Variants in ASB5 observed in about 807,000 individuals in gnomAD.
The protein encoded by ASB5 is ankyrin repeat and SOCS box containing 5, also known as ankyrin repeat and SOCS box protein 5.
A neutral mutation model predicts 42.1 loss-of-function variants in ASB5; 45 were observed. The ratio of observed to expected loss-of-function variants is 1.07; its 90% CI spans 0.84 to 1.37. The LOEUF (loss-of-function observed/expected upper bound fraction) is 1.37, where lower values mean the gene tolerates loss of function less well. Ranked by LOEUF, ASB5 falls within the 40% of genes most tolerant of loss-of-function variation. ASB5 has a pLI of 0.00. For missense variants in ASB5, 402 were observed against 399.8 expected (o/e 1.01, Z -0.05); for synonymous variants, 147 against 150.6 (o/e 0.98, Z 0.18).
intron 5 of ASB5, 102 bp downstream of exon 5, chr4:176,221,053 A>AT (rs1292675876): frequency 1.5e-6 from 2 of 1,342,970 alleles, no homozygotes; most frequent in Non-Finnish European, 2.0e-6. Flanking sequence ...AAATAAGAAC[A>AT]TTTTTTAGCA....
At chr4:176,219,164 T>C (rs1419463463) in intron 5 of ASB5, among the ~76,000 whole-genome samples, 1 of 121,932 alleles carries the variant, frequency 8.2e-6, no homozygotes, top group Non-Finnish European at 1.6e-5. Context: ...TTGTATGACA[T>C]ATAAATATAT....
chr4:176,262,547 A>G lies in ASB5; in HGVS notation c.196+6366T>C, dbSNP rs913578164. 2.0e-5 allele frequency among the ~76,000 whole-genome samples: 3 copies of G among 152,358 alleles called. No individual in the cohort carries two copies. In the South Asian group the frequency reaches 6.2e-4, roughly 32 times the overall value. ...GCATATCCTAGGCAGAACCATTCTT[A>G]GCTCTACATACATTTCTCTGTATAG... On this transcript the variant is annotated intron_variant, in intron 1 of 6. Transcript: ENST00000296525.
intron 2 of ASB5, 42 bp from the exon 3 acceptor site, chr4:176,222,462 T>C: frequency 6.6e-7 from 1 of 1,504,792 alleles, no homozygotes; most frequent in Non-Finnish European, 9.2e-7. Flanking sequence ...AAGAGTTATA[T>C]ACTTAAAAAA....
chr4:176,219,584 ATATATATATATATATATATAT>A (rs1753135048), intron 5 of ASB5, among the ~76,000 whole-genome samples: 1 of 49,036 alleles, frequency 2.0e-5, no homozygotes, highest in Non-Finnish European at 4.6e-5. Context: ...TGATATATAT[ATATATATATATATATATATAT>A]ATATATATAT....
chr4:176,218,978 A>AAT lies in ASB5; in HGVS notation c.671-1971_671-1970dup, dbSNP rs1222273330. The stretch of plus-strand genomic sequence containing the variant: ...TAAATATATATTTGTATGATATATA[A>AAT]ATATATATATTTGTATGATATATAA... On this transcript the variant is annotated intron_variant, in intron 5 of 6. Transcript: ENST00000296525. Among the ~76,000 whole-genome samples, 3 of 14,822 alleles carry AAT rather than the reference A, an allele frequency of 2.0e-4. 1 individual carries two copies. Among genetic ancestry groups the AAT allele is most frequent in the Non-Finnish European group, 3.5e-4 (3 of 8,468 alleles). 9.7% of individuals were successfully genotyped at this position (14,822 alleles called of 152,430 possible). A position where few individuals can be genotyped will look rare whatever the true frequency, so the allele number is the denominator to read the frequency against.
At chr4:176,264,134 A>T (rs192325488) in intron 1 of ASB5, among the ~76,000 whole-genome samples, 116 of 152,280 alleles carry the variant, frequency 7.6e-4, no homozygotes, top group Non-Finnish European at 1.6e-3. Context: ...TTCTACATAC[A>T]TTGTGTATTC....
At chr4:176,215,900 A>T (rs1421384826) in intron 6 of ASB5, among the ~76,000 whole-genome samples, 173 bp from the exon 7 acceptor site, 1 of 152,114 alleles carries the variant, frequency 6.6e-6, no homozygotes, top group Admixed American at 6.6e-5. Flanking sequence ...TATTTATAAG[A>T]TCTTATTATA....
At chr4:176,272,155 T>C (rs1579339559), upstream of ASB5, among the ~76,000 whole-genome samples, 1 of 152,324 alleles carries the variant, frequency 6.6e-6, no homozygotes, top group East Asian at 1.9e-4. Context: ...AAGCTAAGTG[T>C]TGGTGAGTGG....
chr4:176,223,168 T>C (rs1373579714), intron 2 of ASB5, among the ~76,000 whole-genome samples: 1 of 152,208 alleles, frequency 6.6e-6, no homozygotes, highest in East Asian at 1.9e-4. Flanking sequence ...TGTGAACTTT[T>C]GTCCCTAAAT....
At chr4:176,229,020 C>A (rs1051593348) in intron 1 of ASB5, among the ~76,000 whole-genome samples, 4 of 152,026 alleles carry the variant, frequency 2.6e-5, no homozygotes, top group Admixed American at 2.6e-4. Context: ...ATATGTGAAG[C>A]CACTTTGTTC....
chr4:176,221,663 G>C, intron 3 of ASB5, 63 bp from the exon 4 acceptor site: 2 of 1,420,414 alleles, frequency 1.4e-6, no homozygotes, highest in Non-Finnish European at 1.9e-6. Context: ...ACCGACTTAG[G>C]CATTGTCAAA....
intron 1 of ASB5, among the ~76,000 whole-genome samples, chr4:176,226,497 C>T (rs1753382543): frequency 6.6e-6 from 1 of 152,158 alleles, no homozygotes; most frequent in African/African-American, 2.4e-5. Flanking sequence ...ACTTCTCAGC[C>T]TCCATAGTCA....
At chr4:176,235,356 A>G (rs1212897251) in intron 1 of ASB5, among the ~76,000 whole-genome samples, 1 of 152,200 alleles carries the variant, frequency 6.6e-6, no homozygotes, top group East Asian at 1.9e-4. Context: ...ACCATTATAA[A>G]CATTTTAGGG....
chr4:176,256,345 A>C (rs1754155399), intron 1 of ASB5, among the ~76,000 whole-genome samples: 1 of 152,222 alleles, frequency 6.6e-6, no homozygotes, highest in South Asian at 2.1e-4. Context: ...AAAGAATACA[A>C]AAATCATTCT....
upstream of ASB5, among the ~76,000 whole-genome samples, chr4:176,271,245 A>C (rs1160936012): frequency 6.6e-6 from 1 of 152,190 alleles, no homozygotes; most frequent in Non-Finnish European, 1.5e-5. Context: ...CTAATTACTA[A>C]ATAAAAATTA....
At chr4:176,221,923 T>C (rs1309285465) in intron 3 of ASB5, among the ~76,000 whole-genome samples, 1 of 152,078 alleles carries the variant, frequency 6.6e-6, no homozygotes, top group Non-Finnish European at 1.5e-5. Flanking sequence ...AAAAGTGTAA[T>C]GATGATGAAG....
chr4:176,246,270 G>A (rs1753910510), intron 1 of ASB5, among the ~76,000 whole-genome samples: 1 of 152,014 alleles, frequency 6.6e-6, no homozygotes. Flanking sequence ...GAGATAATAG[G>A]GAAAAAGGAA....
chr4:176,261,125 G>T (rs1459786583), intron 1 of ASB5, among the ~76,000 whole-genome samples: 1 of 152,122 alleles, frequency 6.6e-6, no homozygotes, highest in Non-Finnish European at 1.5e-5. Flanking sequence ...GGGGATAATT[G>T]TTCTTCTCTC....
intron 1 of ASB5, among the ~76,000 whole-genome samples, chr4:176,226,537 T>C (rs545994613): frequency 9.1e-4 from 139 of 152,286 alleles, no homozygotes; most frequent in African/African-American, 3.2e-3. Flanking sequence ...TCTCCTCTCA[T>C]ATAGCTGCGT....
Sources: allele counts gnomAD v4.1 joint callset (sites outside exome capture counted in the v4.1 genomes callset), GRCh38; gene constraint gnomAD v4.1.1; transcripts MANE v1.5; gene names NCBI Gene and HGNC (gene_info 2026-07-23, HGNC 2026-07-21).